Variants in NBAS observed in about 807,000 individuals in gnomAD.
The protein encoded by NBAS is NBAS subunit of NRZ tethering complex.
A neutral mutation model predicts 302.5 loss-of-function variants in NBAS; 219 were observed. The ratio of observed to expected loss-of-function variants is 0.72; its 90% CI spans 0.65 to 0.81. The LOEUF is 0.81. Among genes scored for constraint, NBAS ranks in the 30% least tolerant of loss-of-function variants. The probability of loss-of-function intolerance (pLI) is 0.00; values close to 1 mark genes in which losing one functional copy is unlikely to be tolerated. For missense variants in NBAS, 2,932 were observed against 2,841.6 expected, an observed-to-expected ratio of 1.03 and a Z score of -0.72; for synonymous variants, 1,118 against 1,021.6, an observed-to-expected ratio of 1.09 and a Z score of -1.80.
chr2:15,016,821 G>T, the NBAS span, among the ~76,000 whole-genome samples: 1 of 151,936 alleles, frequency 6.6e-6, no homozygotes, highest in Non-Finnish European at 1.5e-5. Flanking sequence ...ATCAATCCGT[G>T]TATATACAGC....
chr2:15,543,024 G>C (rs960406640), intron 6 of NBAS, among the ~76,000 whole-genome samples: 1 of 152,164 alleles, frequency 6.6e-6, no homozygotes, highest in African/African-American at 2.4e-5. Context: ...TTTTCCAGTT[G>C]CTCGTGTGGC....
Position 15,328,283 on chromosome 2 carries a change from G to T in NBAS, c.4377C>A (p.Ile1459=). 1 of 1,613,786 alleles carries T rather than the reference G, an allele frequency of 6.2e-7. No homozygotes were observed. Among genetic ancestry groups the T allele is most frequent in the Non-Finnish European group, 8.5e-7 (1 of 1,179,888 alleles). ...CTAGATCTTCATTGGCTGTAGTTCC[G>T]ATTTGATATGCACCACCACATTTTT... is the stretch of plus-strand genomic sequence containing the variant. ...QGQKCGGAYQ[I]GTTANEDLEK... The change falls in exon 37 of 52, where the codon ATC becomes ATA. Residue 1459 remains isoleucine, a synonymous_variant. Transcript: ENST00000281513.
At chr2:14,855,370 T>G in the NBAS span, among the ~76,000 whole-genome samples, 54 of 152,078 alleles carry the variant, frequency 3.6e-4, no homozygotes, top group African/African-American at 1.3e-3. Context: ...AAACTTCTGC[T>G]TGAGAAGAGC....
intron 30 of NBAS, among the ~76,000 whole-genome samples, chr2:15,377,545 C>T (rs1370748407): frequency 6.6e-6 from 1 of 152,206 alleles, no homozygotes; most frequent in African/African-American, 2.4e-5. Context: ...AGGTGAAGAA[C>T]CTGAGGCCCT....
At chr2:15,246,354 T>G (rs1439169862) in intron 44 of NBAS, among the ~76,000 whole-genome samples, 2 of 152,184 alleles carry the variant, frequency 1.3e-5, no homozygotes. Flanking sequence ...AACAATGAGA[T>G]CCTTTAGGAT....
chr2:15,136,098 C>G, the NBAS span, among the ~76,000 whole-genome samples: 11 of 152,246 alleles, frequency 7.2e-5, no homozygotes, highest in East Asian at 2.1e-3. Context: ...GAACACAAAC[C>G]TGAAGGAAGA....
the NBAS span, among the ~76,000 whole-genome samples, chr2:14,985,269 A>C: frequency 6.6e-5 from 10 of 152,222 alleles, no homozygotes. Flanking sequence ...GAAAAAAGGA[A>C]AGAGAAAACA....
chr2:15,220,014 G>A (rs1666865987), intron 47 of NBAS, among the ~76,000 whole-genome samples: 1 of 149,380 alleles, frequency 6.7e-6, no homozygotes, highest in African/African-American at 2.5e-5. Context: ...GGACGGGGCG[G>A]CTGGCCAGGC....
the NBAS span, among the ~76,000 whole-genome samples, chr2:14,990,041 CT>C: frequency 1.3e-5 from 2 of 151,982 alleles, no homozygotes; most frequent in African/African-American, 4.8e-5. Flanking sequence ...GTTAACTTTT[CT>C]TTTTTTCTCT....
chr2:15,277,725 T>A (rs535703548), intron 42 of NBAS, among the ~76,000 whole-genome samples: 41 of 152,342 alleles, frequency 2.7e-4, no homozygotes, highest in African/African-American at 9.6e-4. Context: ...TCATCCTAAC[T>A]TAGATGTCTT....
chr2:14,849,804 C>T, the NBAS span, among the ~76,000 whole-genome samples: 46 of 141,162 alleles, frequency 3.3e-4, 1 homozygote, highest in Non-Finnish European at 6.3e-4. Context: ...GAATTTTCAA[C>T]CCAGAATTTC....
chr2:15,445,755 G>A lies in NBAS; in HGVS notation c.2339+15446C>T, dbSNP rs573667533. Among the ~76,000 whole-genome samples the A allele has an allele frequency of 2.0e-5, 3 of 151,534 alleles. No individual in the cohort carries two copies. The East Asian group carries it at 5.8e-4, about 29-fold the overall frequency. The stretch of plus-strand genomic sequence containing the variant: ...GTCTGTTATCCAATAAAAGTTACCA[G>A]GTATGTAAAGAAGAAGGAAATTATG... On this transcript the variant is annotated intron_variant, in intron 21 of 51. Coordinates refer to ENST00000281513, the MANE Select transcript of NBAS (RefSeq NM_015909.4).
At chr2:15,203,925 T>TGTGTGTGA (rs1418178192) in intron 48 of NBAS, among the ~76,000 whole-genome samples, 48 of 148,828 alleles carry the variant, frequency 3.2e-4, no homozygotes, top group African/African-American at 1.1e-3. Context: ...TGTGTGTGTG[T>TGTGTGTGA]GAGTGGGGAG....
chr2:15,097,478 T>C, the NBAS span, among the ~76,000 whole-genome samples: 2 of 152,094 alleles, frequency 1.3e-5, no homozygotes, highest in African/African-American at 2.4e-5. Flanking sequence ...GCTTATACCA[T>C]AGGTTGAGAG....
At chr2:15,371,887 A>C (rs1248987372) in intron 31 of NBAS, among the ~76,000 whole-genome samples, 1 of 152,156 alleles carries the variant, frequency 6.6e-6, no homozygotes, top group African/African-American at 2.4e-5. Context: ...GACAGGTAAG[A>C]CTACACTAAT....
At chr2:15,264,178 T>C (rs936926080) in intron 44 of NBAS, among the ~76,000 whole-genome samples, 1 of 152,220 alleles carries the variant, frequency 6.6e-6, no homozygotes, top group Non-Finnish European at 1.5e-5. Flanking sequence ...GAGAGCACTG[T>C]AGTAGGGAGG....
the NBAS span, among the ~76,000 whole-genome samples, chr2:14,997,194 GAA>G: frequency 6.6e-6 from 1 of 152,118 alleles, no homozygotes; most frequent in Admixed American, 6.5e-5. Context: ...AAAAGGAGCA[GAA>G]AAGAGAAAAG....
Position 15,282,677 on chromosome 2 carries a change from T to C in NBAS, c.5138+4396A>G, listed in dbSNP as rs1669876127. ...TATAACCATTTGAGTGACCAAAAAG[T>C]AGATATTAGAGTGAAACCAAGGCAT... On this transcript the variant is annotated intron_variant, in intron 42 of 51. Coordinates refer to ENST00000281513, the MANE Select transcript of NBAS (RefSeq NM_015909.4). Among the ~76,000 whole-genome samples the C allele has an allele frequency of 2.0e-5, 3 of 152,248 alleles. No individual in the cohort carries two copies. In the South Asian group the frequency reaches 6.2e-4, roughly 32 times the overall value.
intron 9 of NBAS, among the ~76,000 whole-genome samples, chr2:15,525,245 T>G (rs1252243578): frequency 6.6e-6 from 1 of 152,198 alleles, no homozygotes; most frequent in Non-Finnish European, 1.5e-5. Context: ...ACAATGAATC[T>G]TCCCACAACG....
Sources: gnomAD v4.1 joint callset for allele counts (sites outside exome capture counted in the v4.1 genomes callset) on GRCh38, gnomAD v4.1.1 for gene constraint, MANE v1.5 for transcripts, NCBI Gene and HGNC (gene_info 2026-07-23, HGNC 2026-07-21) for gene names.